UPP2: variants seen among roughly 807,000 people sequenced by gnomAD.
The protein encoded by UPP2 is uridine phosphorylase 2, also known as UPase 2.
UPP2 carries 23 observed loss-of-function variants against 26.7 expected under a neutral mutation model. The observed-to-expected ratio is 0.86, with a 90% CI of 0.62 to 1.22. UPP2 has a LOEUF of 1.22. UPP2 is among the 50% of genes most tolerant of loss of function. The pLI is 0.00. For synonymous variants in UPP2, 127 were observed against 141.3 expected, an observed-to-expected ratio of 0.90 and a Z score of 0.72; for missense variants, 387 against 396.7, an observed-to-expected ratio of 0.98 and a Z score of 0.21.
intron 2 of UPP2, among the ~76,000 whole-genome samples, chr2:158,113,340 C>T (rs1683358473): frequency 6.6e-6 from 1 of 152,134 alleles, no homozygotes; most frequent in African/African-American, 2.4e-5. Flanking sequence ...GGACTTAGAT[C>T]GTGAGCCAAG....
At chr2:158,045,926 G>A (rs1684146895) in intron 3 of UPP2, among the ~76,000 whole-genome samples, 2 of 152,288 alleles carry the variant, frequency 1.3e-5, no homozygotes, top group Middle Eastern at 3.4e-3. Context: ...GGTCATGGCT[G>A]TGGAGACTAG....
chr2:158,001,986 G>GA (rs1683416194), intron 2 of UPP2, among the ~76,000 whole-genome samples: 1 of 122,950 alleles, frequency 8.1e-6, no homozygotes, highest in African/African-American at 2.8e-5. Flanking sequence ...AAAAAAAGAA[G>GA]AGAGAGAGCT....
chr2:158,060,672 G>A (rs1397872025), intron 3 of UPP2, among the ~76,000 whole-genome samples: 1 of 152,170 alleles, frequency 6.6e-6, no homozygotes, highest in Non-Finnish European at 1.5e-5. Flanking sequence ...GATAGTATCT[G>A]GAGATGAAAC....
At chr2:158,124,686 A>G (rs1683655439) in intron 6 of UPP2, among the ~76,000 whole-genome samples, 1 of 152,260 alleles carries the variant, frequency 6.6e-6, no homozygotes, top group African/African-American at 2.4e-5. Flanking sequence ...AGAAGTAGTC[A>G]GATTGTAGAA....
chr2:158,134,928 T>C lies in UPP2; in HGVS notation c.*38T>C. 5 of 1,575,688 alleles carry C rather than the reference T, an allele frequency of 3.2e-6. No homozygotes were observed. The highest frequency in any genetic ancestry group is 3.4e-6 in the Non-Finnish European group (4 of 1,160,450). Reference sequence around the variant, plus strand: ...GGCAGCCCAACCCTCCCCTGCAAGTTTGTAGCTCAAGTTGTAATGTGAAAG... The same window carrying C: ...GGCAGCCCAACCCTCCCCTGCAAGTCTGTAGCTCAAGTTGTAATGTGAAAG... On this transcript the variant is annotated 3_prime_UTR_variant, in exon 7 of 7. Coordinates refer to ENST00000005756, the MANE Select transcript of UPP2 (RefSeq NM_173355.4).
intron 3 of UPP2, among the ~76,000 whole-genome samples, chr2:158,115,520 A>G (rs190140755): frequency 3.9e-5 from 6 of 152,226 alleles, no homozygotes; most frequent in Admixed American, 3.9e-4. Context: ...TTTACTTTGT[A>G]ACTGGTTAAC....
At chr2:158,025,541 C>T (rs1228964593) in intron 3 of UPP2, among the ~76,000 whole-genome samples, 1 of 152,214 alleles carries the variant, frequency 6.6e-6, no homozygotes, top group Non-Finnish European at 1.5e-5. Context: ...TGCCTCAAGC[C>T]TCCGGGAGGC....
chr2:158,123,637 C>G, intron 5 of UPP2, 112 bp from the exon 6 acceptor site: 6 of 1,286,200 alleles, frequency 4.7e-6, no homozygotes, highest in Non-Finnish European at 6.4e-6. Flanking sequence ...ACGGGGAGCA[C>G]GCTGTAGAGT....
chr2:158,117,929 G>T lies in UPP2; in HGVS notation c.445G>T (p.Gly149Trp), dbSNP rs940863707. ...DVTIIRIGTS[G>W]GIGIAPGTVV... The stretch of plus-strand genomic sequence containing the variant: ...CACCATTATTAGAATCGGTACATCA[G>T]GGGGAATAGGTGAGACGGATTGATG... The change falls in exon 4 of 7, where the codon GGG (glycine) becomes TGG (tryptophan). Residue 149 changes from glycine (G) to tryptophan (W), a missense_variant. By Grantham distance (184) the Gly-to-Trp change is radical. Transcript: ENST00000005756. 6.2e-7 allele frequency: 1 copy of T among 1,608,566 alleles called. No homozygotes were observed. Among genetic ancestry groups the T allele is most frequent in the African/African-American group, 1.3e-5 (1 of 74,788 alleles).
chr2:158,127,974 C>T, intron 6 of UPP2: 3 of 985,170 alleles, frequency 3.0e-6, no homozygotes, highest in Non-Finnish European at 3.6e-6. Flanking sequence ...GCAAAATCTA[C>T]TTTAATTAAG....
chr2:158,036,299 C>G (rs1683998559), intron 3 of UPP2, among the ~76,000 whole-genome samples: 1 of 152,032 alleles, frequency 6.6e-6, no homozygotes, highest in African/African-American at 2.4e-5. Context: ...ATTTCAAAGT[C>G]TTTTCACTTG....
intron 2 of UPP2, 49 bp downstream of exon 2, chr2:158,106,265 A>G (rs1683193348): frequency 1.3e-6 from 2 of 1,546,810 alleles, no homozygotes; most frequent in Non-Finnish European, 1.8e-6. Context: ...TTCTCTACTA[A>G]TTTTTCTTCT....
chr2:158,101,359 T>C (rs1461807276), upstream of UPP2, among the ~76,000 whole-genome samples: 2 of 152,234 alleles, frequency 1.3e-5, no homozygotes, highest in African/African-American at 4.8e-5. Flanking sequence ...ATTTTACCAA[T>C]GGCCTACAGT....
At chr2:158,003,097 C>A (rs998768912) in intron 2 of UPP2, among the ~76,000 whole-genome samples, 1 of 152,106 alleles carries the variant, frequency 6.6e-6, no homozygotes, top group East Asian at 1.9e-4. Flanking sequence ...CATGGCTATC[C>A]CTGATGGGCA....
intron 3 of UPP2, among the ~76,000 whole-genome samples, chr2:158,021,840 A>C (rs1350297349): frequency 1.3e-5 from 2 of 152,118 alleles, no homozygotes; most frequent in East Asian, 1.9e-4. Context: ...TTTTAGGAAA[A>C]TTTTCTTAAA....
At chr2:158,032,508 G>A (rs1455342039) in intron 3 of UPP2, among the ~76,000 whole-genome samples, 2 of 152,092 alleles carry the variant, frequency 1.3e-5, no homozygotes, top group Non-Finnish European at 1.5e-5. Flanking sequence ...ATAGGACAGG[G>A]GAAATATTAA....
intron 3 of UPP2, among the ~76,000 whole-genome samples, chr2:158,019,234 T>A (rs915298479): frequency 2.0e-5 from 3 of 152,080 alleles, no homozygotes; most frequent in Non-Finnish European, 4.4e-5. Flanking sequence ...AAAGTCAAGA[T>A]GGTGGATTAG....
At chr2:158,108,602 CACAG>C (rs141047107) in intron 2 of UPP2, among the ~76,000 whole-genome samples, 3,976 of 151,898 alleles carry the variant, frequency 0.026, 143 homozygotes, top group African/African-American at 0.091. Flanking sequence ...CACGCACACA[CACAG>C]ACACACACAC....
intron 3 of UPP2, among the ~76,000 whole-genome samples, chr2:158,031,304 A>G (rs972771949): frequency 2.6e-5 from 4 of 152,180 alleles, no homozygotes; most frequent in African/African-American, 9.7e-5. Flanking sequence ...TGGCTACATA[A>G]AAGGCCCTCA....
Sources: allele counts gnomAD v4.1 joint callset (sites outside exome capture counted in the v4.1 genomes callset), GRCh38; gene constraint gnomAD v4.1.1; transcripts MANE v1.5; gene names NCBI Gene and HGNC (gene_info 2026-07-23, HGNC 2026-07-21).